The following ZNF81 variants were observed in gnomAD, a reference collection of about 807,000 sequenced individuals.
ZNF81 encodes the protein zinc finger protein 81, also known as zinc finger protein 81 (HFZ20).
ZNF81 carries 5 observed loss-of-function variants against 32.3 expected under a neutral mutation model. The ratio of observed to expected loss-of-function variants is 0.15; its 90% CI spans 0.08 to 0.33. The LOEUF is 0.33. Among genes scored for constraint, ZNF81 ranks in the 10% least tolerant of loss-of-function variants. The probability of loss-of-function intolerance (pLI) is 1.00; values close to 1 mark genes in which losing one functional copy is unlikely to be tolerated. For missense variants in ZNF81, 379 were observed against 479.8 expected, an observed-to-expected ratio of 0.79 and a Z score of 1.96; for synonymous variants, 163 against 166.8, an observed-to-expected ratio of 0.98 and a Z score of 0.17.
intron 3 of ZNF81, among the ~76,000 whole-genome samples, chrX:47,894,343 A>G (rs1240247157): frequency 5.4e-5 from 6 of 111,489 alleles, no homozygotes; most frequent in African/African-American, 1.6e-4. Context: ...TGAGGCTGGG[A>G]GATTCTAGCT....
In ZNF81 at chrX:47,915,975, C is replaced by G. The variant is rs1556890738; in HGVS notation, c.1329C>G (p.Ile443Met). Residue 443 changes from isoleucine (I) to methionine (M), a missense_variant, in exon 5 of 5, where the codon ATC becomes ATG. By Grantham distance (10) the Ile-to-Met change is conservative (BLOSUM62 1). Around this residue, in one of 2 missense-constraint regions of ZNF81, gnomAD observed 102 missense variants for 173.2 expected, o/e 0.59. Transcript: ENST00000338637. ...QRIHTGERSY[I>M]CTQCGQAFIQ... ...TTCATACAGGAGAGAGGTCCTATAT[C>G]TGTACTCAATGTGGGCAGGCCTTCA... 3.3e-6 allele frequency: 4 copies of G among 1,210,426 alleles called. No individual in the cohort carries two copies. The South Asian group carries it at 7.0e-5, about 21-fold the overall frequency.
In ZNF81 at chrX:47,925,019, T is replaced by C. The variant is rs2058786736; in HGVS notation, c.*8387T>C. Among the ~76,000 whole-genome samples the C allele has an allele frequency of 9.0e-6, 1 of 111,521 alleles. No homozygotes were observed. Among genetic ancestry groups the C allele is most frequent in the African/African-American group, 3.3e-5 (1 of 30,731 alleles). ...ATATAACATTATAACCATAAATAAT[T>C]GAGCATTCATCTCCTAAAAATAAGG... On this transcript the variant is annotated 3_prime_UTR_variant, in exon 5 of 5. Coordinates refer to ENST00000338637, the MANE Select transcript of ZNF81 (RefSeq NM_007137.5).
rs782418979 is a variant in ZNF81 at position 47,923,314 on chromosome X, T to A, written c.*6682T>A. Among the ~76,000 whole-genome samples the A allele has an allele frequency of 4.0e-4, 45 of 111,470 alleles. No individual in the cohort carries two copies. The highest frequency in any genetic ancestry group is 1.9e-5 in the Non-Finnish European group (1 of 53,060). ...AGAGCTTGTTTCCGGCATCTTAGTG[T>A]CATCCAGCTATCTAAAGAAAATGTA... On this transcript the variant is annotated 3_prime_UTR_variant, in exon 5 of 5. Transcript: ENST00000338637.
intron 3 of ZNF81, among the ~76,000 whole-genome samples, chrX:47,892,268 C>G (rs1603200369): frequency 9.0e-6 from 1 of 111,404 alleles, no homozygotes; most frequent in Admixed American, 9.5e-5. Flanking sequence ...CCCTGCCACC[C>G]CAGGATCCAA....
chrX:47,905,388 G>A (rs1451524537), intron 4 of ZNF81, among the ~76,000 whole-genome samples: 5 of 92,791 alleles, frequency 5.4e-5, no homozygotes, highest in African/African-American at 2.1e-4. Context: ...TCCAGGCTGG[G>A]CAATGGAGTG....
chrX:47,915,396 A>G lies in ZNF81; in HGVS notation c.750A>G (p.Gln250=). ...GAGTGAAGTTCTGTGAACGTAATCAATGTGGAAAAGTCCTCAGCCTCAAAC... is the reference window on the plus strand; with the variant it reads ...GAGTGAAGTTCTGTGAACGTAATCAGTGTGGAAAAGTCCTCAGCCTCAAAC... ...HTGVKFCERN[Q]CGKVLSLKHS... is the part of the protein sequence containing the mutation. The change falls in exon 5 of 5, where the codon CAA becomes CAG. Residue 250 remains glutamine, a synonymous_variant. Transcript: ENST00000338637. 5 of 1,211,865 alleles carry G rather than the reference A, an allele frequency of 4.1e-6. No homozygotes were observed. The highest frequency in any genetic ancestry group is 3.5e-5 in the African/African-American group (2 of 57,850).
At chrX:47,908,736 G>A (rs782264256) in intron 4 of ZNF81, among the ~76,000 whole-genome samples, 3 of 111,978 alleles carry the variant, frequency 2.7e-5, no homozygotes, top group East Asian at 5.6e-4. Flanking sequence ...GAACTTGGGC[G>A]AACCTCAAAA....
chrX:47,876,846 C>T (rs782210809), intron 2 of ZNF81, among the ~76,000 whole-genome samples: 18 of 112,122 alleles, frequency 1.6e-4, no homozygotes, highest in Non-Finnish European at 2.6e-4. Flanking sequence ...CTCATGATAC[C>T]TGCTGCCTTT....
intron 3 of ZNF81, among the ~76,000 whole-genome samples, chrX:47,889,240 G>A (rs986695220): frequency 8.9e-6 from 1 of 112,296 alleles, no homozygotes; most frequent in Non-Finnish European, 1.9e-5. Context: ...CCAATCAACT[G>A]TCTCACTAGA....
Position 47,921,030 on chromosome X carries a change from G to C in ZNF81, c.*4398G>C, listed in dbSNP as rs782623199. 9.0e-6 allele frequency: 1 copy of C among 111,076 alleles called. No individual in the cohort carries two copies. The highest frequency in any genetic ancestry group is 3.8e-4 in the South Asian group (1 of 2,614). 9.2% of individuals were successfully genotyped at this position (111,076 alleles called of 1,213,427 possible). On this transcript the variant is annotated 3_prime_UTR_variant, in exon 5 of 5. Transcript: ENST00000338637. The stretch of plus-strand genomic sequence containing the variant: ...AACTTATGTTTTTGCAGATTACCCA[G>C]CTTTGTTCTTGTTATAAAGATGGGA...
chrX:47,906,902 A>G lies in ZNF81; in HGVS notation c.278-8022A>G, dbSNP rs976634076. On this transcript the variant is annotated intron_variant, in intron 4 of 4. Transcript: ENST00000338637. ...GGCAAGCCATTTTTCCTGTTTTATT[A>G]TAAATCTATATTAGATGTTTGAATA... Among the ~76,000 whole-genome samples the G allele has an allele frequency of 4.4e-5, 5 of 112,756 alleles. No homozygotes were observed. In the Admixed American group the frequency reaches 4.7e-4, roughly 11 times the overall value.
chrX:47,890,000 G>A (rs782534033), intron 3 of ZNF81, among the ~76,000 whole-genome samples: 2 of 111,729 alleles, frequency 1.8e-5, no homozygotes, highest in South Asian at 7.5e-4. Context: ...AGGGGACAAA[G>A]ATCCAAACCA....
Position 47,843,432 on chromosome X carries a change from TACAC to T in ZNF81, c.-163-2643_-163-2640del, listed in dbSNP as rs782116296. On this transcript the variant is annotated intron_variant, in intron 1 of 4. Coordinates refer to ENST00000338637, the MANE Select transcript of ZNF81 (RefSeq NM_007137.5). Reference sequence around the variant, plus strand: ...AATTATCTTATGTTATTCCTATATCTACACACACACACACACACACACACACACA... The same window carrying T: ...AATTATCTTATGTTATTCCTATATCTACACACACACACACACACACACACA... 4.9e-4 allele frequency among the ~76,000 whole-genome samples: 47 copies of T among 96,876 alleles called. No homozygotes were observed. In the East Asian group the frequency reaches 6.8e-3, roughly 14 times the overall value. 84.1% of individuals were successfully genotyped at this position (96,876 alleles called of 115,157 possible). A position where few individuals can be genotyped will look rare whatever the true frequency, so the allele number is the denominator to read the frequency against.
At position 47,916,131 on chromosome X, in the gene ZNF81, G is replaced by A; in HGVS notation, c.1485G>A (p.Glu495=). Residue 495 remains glutamate, a synonymous_variant, in exon 5 of 5, where the codon GAG becomes GAA. Coordinates refer to ENST00000338637, the MANE Select transcript of ZNF81 (RefSeq NM_007137.5). ...TGCATAAGAGAATTCATACAGGAGA[G>A]AAACCCTATATATGCACTGAATGTG... ...LQMHKRIHTG[E]KPYICTECGK... 1 of 1,211,304 alleles carries A rather than the reference G, an allele frequency of 8.3e-7. No individual in the cohort carries two copies. The highest frequency in any genetic ancestry group is 1.1e-6 in the Non-Finnish European group (1 of 895,369).
intron 4 of ZNF81, among the ~76,000 whole-genome samples, chrX:47,898,607 A>G (rs1253980702): frequency 1.8e-5 from 2 of 111,850 alleles, no homozygotes; most frequent in African/African-American, 6.5e-5. Flanking sequence ...TTTTACAAAA[A>G]AGCCTACTGG....
In ZNF81 at chrX:47,915,518, C is replaced by T. The variant is rs782484460; in HGVS notation, c.872C>T (p.Ala291Val). The T allele has an allele frequency of 1.7e-6, 2 of 1,209,659 alleles. No individual in the cohort carries two copies. The highest frequency in any genetic ancestry group is 3.5e-5 in the African/African-American group (2 of 57,114). ...KIFTQRSHFF[A>V]PQKIHTVEKP... Reference sequence around the variant, plus strand: ...TTCACCCAGAGGTCACATTTCTTTGCTCCTCAAAAAATTCATACTGTGGAA... The same window carrying T: ...TTCACCCAGAGGTCACATTTCTTTGTTCCTCAAAAAATTCATACTGTGGAA... The change falls in exon 5 of 5, where the codon GCT becomes GTT. Residue 291 changes from alanine (A) to valine (V), a missense_variant. Physicochemically the swap from Ala to Val is moderately conservative, Grantham distance 64 (BLOSUM62 0). Coordinates refer to ENST00000338637, the MANE Select transcript of ZNF81 (RefSeq NM_007137.5).
At chrX:47,861,093 G>A (rs1603179405) in intron 2 of ZNF81, 1 of 111,961 alleles carries the variant, frequency 8.9e-6, no homozygotes, top group African/African-American at 3.3e-5. Flanking sequence ...TATTGAACCC[G>A]AGGAGGAGTT....
chrX:47,852,669 A>G (rs1556881383), intron 2 of ZNF81, among the ~76,000 whole-genome samples: 4 of 112,363 alleles, frequency 3.6e-5, no homozygotes, highest in Non-Finnish European at 7.5e-5. Context: ...TTCTCTCGCT[A>G]TTTCCACCAT....
At chrX:47,838,198 G>A (rs2058432790) in intron 1 of ZNF81, among the ~76,000 whole-genome samples, 1 of 111,563 alleles carries the variant, frequency 9.0e-6, no homozygotes, top group Admixed American at 9.5e-5. Context: ...TCAATTATTA[G>A]GTTTTACACC....
Sources: allele counts gnomAD v4.1 joint callset (sites outside exome capture counted in the v4.1 genomes callset), GRCh38; gene constraint gnomAD v4.1.1; regional missense constraint gnomAD v4.1.1; transcripts MANE v1.5; gene names NCBI Gene and HGNC (gene_info 2026-07-23, HGNC 2026-07-21).